CDC42SE2: variants seen among roughly 807,000 people sequenced by gnomAD.
CDC42SE2 encodes CDC42 small effector protein 2.
In CDC42SE2, 3 loss-of-function variants were observed where a neutral mutation model predicts 11.5. That is an observed-to-expected ratio of 0.26 (90% CI 0.12 to 0.67). CDC42SE2 has a LOEUF of 0.67. Among genes scored for constraint, CDC42SE2 ranks in the 30% least tolerant of loss-of-function variants. The probability of loss-of-function intolerance (pLI) is 0.80; values close to 1 mark genes in which losing one functional copy is unlikely to be tolerated. For missense variants in CDC42SE2, 82 were observed against 106.8 expected, an observed-to-expected ratio of 0.77 and a Z score of 1.02; for synonymous variants, 33 against 34.8, an observed-to-expected ratio of 0.95 and a Z score of 0.18.
chr5:131,260,036 G>A (rs548051429), upstream of CDC42SE2, among the ~76,000 whole-genome samples: 1 of 152,292 alleles, frequency 6.6e-6, no homozygotes, highest in South Asian at 2.1e-4. Flanking sequence ...TTAATTATAT[G>A]CTTGTGTAAT....
intron 2 of CDC42SE2, among the ~76,000 whole-genome samples, chr5:131,325,032 C>T (rs1246059266): frequency 1.3e-5 from 2 of 152,090 alleles, no homozygotes; most frequent in Non-Finnish European, 2.9e-5. Context: ...AATACTGTGA[C>T]AATGGCTACA....
At chr5:131,249,341 G>C (rs1453063948) in intron 1 of CDC42SE2, among the ~76,000 whole-genome samples, 1 of 152,090 alleles carries the variant, frequency 6.6e-6, no homozygotes, top group Admixed American at 6.6e-5. Context: ...AGAAGTATCA[G>C]GGAGAGAGGA....
chr5:131,342,412 T>C (rs1056566773), intron 2 of CDC42SE2, among the ~76,000 whole-genome samples: 6 of 139,924 alleles, frequency 4.3e-5, no homozygotes, highest in South Asian at 2.3e-4. Context: ...TTTTTTAAGA[T>C]AGGGTCTCAC....
intron 2 of CDC42SE2, among the ~76,000 whole-genome samples, chr5:131,351,805 T>TAA (rs1185667096): frequency 1.3e-5 from 2 of 152,150 alleles, no homozygotes; most frequent in African/African-American, 4.8e-5. Flanking sequence ...GCACAAATCA[T>TAA]AAGAGATAAA....
intron 2 of CDC42SE2, among the ~76,000 whole-genome samples, chr5:131,336,204 A>T (rs554552890): frequency 6.6e-6 from 1 of 152,214 alleles, no homozygotes; most frequent in African/African-American, 2.4e-5. Context: ...TCTGTAAAGG[A>T]TTTTATTTCT....
At chr5:131,381,322 GTTT>G (rs58641820) in intron 3 of CDC42SE2, among the ~76,000 whole-genome samples, 1 of 146,210 alleles carries the variant, frequency 6.8e-6, no homozygotes, top group African/African-American at 2.5e-5. Flanking sequence ...GTTTTTTTTT[GTTT>G]TTTTTTTTGT....
At chr5:131,219,802 T>G in the CDC42SE2 span, among the ~76,000 whole-genome samples, 2 of 151,954 alleles carry the variant, frequency 1.3e-5, no homozygotes, top group African/African-American at 4.8e-5. Context: ...CTGGGTGTGG[T>G]GGAATGTGCC....
chr5:131,348,595 C>T (rs1237239088), intron 2 of CDC42SE2, among the ~76,000 whole-genome samples: 2 of 152,054 alleles, frequency 1.3e-5, no homozygotes, highest in South Asian at 2.1e-4. Context: ...CAATGCCATC[C>T]CCATCAATCT....
chr5:131,300,968 C>A (rs555167765), intron 1 of CDC42SE2, among the ~76,000 whole-genome samples: 94 of 152,226 alleles, frequency 6.2e-4, no homozygotes, highest in South Asian at 2.7e-3. Flanking sequence ...TACATTCTTA[C>A]AATAATTCTC....
At chr5:131,223,136 C>T in the CDC42SE2 span, among the ~76,000 whole-genome samples, 93 of 152,302 alleles carry the variant, frequency 6.1e-4, no homozygotes, top group Non-Finnish European at 1.1e-3. Context: ...GTTTTCTCCC[C>T]TTTTTTCACT....
chr5:131,333,826 T>A (rs190546542), intron 2 of CDC42SE2, among the ~76,000 whole-genome samples: 1,866 of 152,306 alleles, frequency 0.012, 26 homozygotes, highest in African/African-American at 0.033. Flanking sequence ...ATCGTGAGAC[T>A]TTGCTGAAGT....
intron 4 of CDC42SE2, among the ~76,000 whole-genome samples, chr5:131,386,575 T>C (rs895541672): frequency 7.2e-5 from 11 of 152,160 alleles, no homozygotes; most frequent in African/African-American, 2.7e-4. Context: ...TTTCAGTGAG[T>C]TTCAGAATAG....
the CDC42SE2 span, among the ~76,000 whole-genome samples, chr5:131,211,506 C>T: frequency 3.3e-5 from 5 of 152,222 alleles, no homozygotes; most frequent in Admixed American, 6.5e-5. Flanking sequence ...TTGTTCACCT[C>T]ACATTCTTTC....
At position 131,372,124 on chromosome 5, in the gene CDC42SE2, T is replaced by A. The variant is rs78754275; in HGVS notation, c.54+12577T>A. On this transcript the variant is annotated intron_variant, in intron 3 of 4. Transcript: ENST00000505065. Reference sequence around the variant, plus strand: ...CAAATACTTATGCATGTACCTGTTATGTACTTATGCATATATTCAAAAGTC... The same window carrying A: ...CAAATACTTATGCATGTACCTGTTAAGTACTTATGCATATATTCAAAAGTC... 7.2e-5 allele frequency among the ~76,000 whole-genome samples: 11 copies of A among 152,346 alleles called. No individual in the cohort carries two copies. The East Asian group carries it at 2.1e-3, about 29-fold the overall frequency.
At chr5:131,385,447 C>T in intron 3 of CDC42SE2, 96 bp from the exon 4 acceptor site, 1 of 790,618 alleles carries the variant, frequency 1.3e-6, no homozygotes, top group African/African-American at 1.7e-5. Flanking sequence ...TTTTTGTGTT[C>T]TTGGCAAATT....
chr5:131,211,862 T>C, the CDC42SE2 span, among the ~76,000 whole-genome samples: 1 of 151,560 alleles, frequency 6.6e-6, no homozygotes, highest in South Asian at 2.1e-4. Flanking sequence ...CACGTGACTG[T>C]AATCTCCGCT....
chr5:131,304,510 T>C (rs1043152733), intron 1 of CDC42SE2, among the ~76,000 whole-genome samples: 3 of 152,182 alleles, frequency 2.0e-5, no homozygotes, highest in Middle Eastern at 3.2e-3. Context: ...CACATGACAC[T>C]CATTGAATGA....
Position 131,375,640 on chromosome 5 carries a change from G to A in CDC42SE2, c.55-9903G>A, listed in dbSNP as rs529797350. ...GACAAGTAGAATTATTTTTCCCACC[G>A]TAGAAGATACAGTACAAGTTCATGT... On this transcript the variant is annotated intron_variant, in intron 3 of 4. Transcript: ENST00000505065. Among the ~76,000 whole-genome samples, 8 of 152,122 alleles carry A rather than the reference G, an allele frequency of 5.3e-5. No homozygotes were observed. In the East Asian group the frequency reaches 5.8e-4, roughly 11 times the overall value.
Position 131,274,505 on chromosome 5 carries a change from G to T in CDC42SE2, c.-455+10339G>T, listed in dbSNP as rs541396183. The stretch of plus-strand genomic sequence containing the variant: ...ATCGTCTCTTGCATGTATTATTTTA[G>T]TAGTCTCTACATGCTGCTTCTGCTG... On this transcript the variant is annotated intron_variant, in intron 1 of 4. Transcript: ENST00000505065. Among the ~76,000 whole-genome samples, 3 of 152,202 alleles carry T rather than the reference G, an allele frequency of 2.0e-5. No individual in the cohort carries two copies. The South Asian group carries it at 6.2e-4, about 31-fold the overall frequency.
Sources: allele counts gnomAD v4.1 joint callset (sites outside exome capture counted in the v4.1 genomes callset), GRCh38; gene constraint gnomAD v4.1.1; transcripts MANE v1.5; gene names NCBI Gene and HGNC (gene_info 2026-07-23, HGNC 2026-07-21).